ZNF385B: variants seen among roughly 807,000 people sequenced by gnomAD.
ZNF385B encodes the protein zinc finger protein 385B, also known as zinc finger protein 533.
Under a neutral mutation model 39.2 loss-of-function variants are expected in ZNF385B, and 23 were observed. That is an observed-to-expected ratio of 0.59 (90% CI 0.42 to 0.83). ZNF385B has a LOEUF of 0.83. Among genes scored for constraint, ZNF385B ranks in the 40% least tolerant of loss-of-function variants. ZNF385B has a pLI of 0.00. For synonymous variants in ZNF385B, 205 were observed against 222.6 expected (o/e 0.92, Z 0.70); for missense variants, 552 against 598.9 (o/e 0.92, Z 0.82).
At chr2:179,716,228 A>C (rs1254375128) in intron 3 of ZNF385B, among the ~76,000 whole-genome samples, 2 of 152,206 alleles carry the variant, frequency 1.3e-5, no homozygotes, top group African/African-American at 4.8e-5. Context: ...GAAAAGGTTT[A>C]AGTAAGAGGA....
At chr2:179,717,344 T>C (rs1700392994) in intron 3 of ZNF385B, among the ~76,000 whole-genome samples, 1 of 152,202 alleles carries the variant, frequency 6.6e-6, no homozygotes, top group East Asian at 1.9e-4. Flanking sequence ...TGTAAATATT[T>C]TCCCCTGCTT....
At chr2:179,592,857 C>A (rs1196801793) in intron 3 of ZNF385B, among the ~76,000 whole-genome samples, 2 of 152,000 alleles carry the variant, frequency 1.3e-5, no homozygotes, top group Non-Finnish European at 2.9e-5. Flanking sequence ...TGAGAGCAGG[C>A]CCCAATGGAT....
chr2:179,608,067 C>A (rs1282867155), intron 3 of ZNF385B, among the ~76,000 whole-genome samples: 1 of 151,982 alleles, frequency 6.6e-6, no homozygotes, highest in Non-Finnish European at 1.5e-5. Flanking sequence ...GCGTGCACCA[C>A]CATGCCCAGC....
At chr2:179,475,251 A>AT (rs767500606) in intron 6 of ZNF385B, among the ~76,000 whole-genome samples, 4,756 of 136,936 alleles carry the variant, frequency 0.035, 118 homozygotes, top group African/African-American at 0.055. Flanking sequence ...TTATCGCACA[A>AT]TTTTTTTTTT....
chr2:179,709,760 A>G (rs148043705), intron 3 of ZNF385B, among the ~76,000 whole-genome samples: 2 of 152,314 alleles, frequency 1.3e-5, no homozygotes, highest in Admixed American at 6.5e-5. Flanking sequence ...ATAGGCACAG[A>G]TCACTTGGGG....
chr2:179,491,934 C>T (rs555664652), intron 5 of ZNF385B, among the ~76,000 whole-genome samples: 95 of 152,216 alleles, frequency 6.2e-4, no homozygotes, highest in African/African-American at 2.2e-3. Flanking sequence ...CTCCTGGTCT[C>T]GAGTGATCCT....
At chr2:179,524,549 C>G (rs34253251) in intron 4 of ZNF385B, among the ~76,000 whole-genome samples, 1 of 48,246 alleles carries the variant, frequency 2.1e-5, no homozygotes, top group Non-Finnish European at 3.3e-5. Flanking sequence ...GAGACTCCGT[C>G]TCAAAAAAAA....
intron 3 of ZNF385B, among the ~76,000 whole-genome samples, chr2:179,733,708 G>A (rs781272904): frequency 2.6e-5 from 4 of 151,562 alleles, no homozygotes; most frequent in Admixed American, 6.6e-5. Flanking sequence ...GCATGAACCC[G>A]GGAGGCGGAG....
intron 6 of ZNF385B, among the ~76,000 whole-genome samples, chr2:179,476,016 CAAAAAAAA>C (rs34327373): frequency 1.8e-5 from 1 of 57,014 alleles, no homozygotes; most frequent in Admixed American, 2.2e-4. Context: ...GCCTCTGTCT[CAAAAAAAA>C]AAAAAAAAAA....
intron 3 of ZNF385B, among the ~76,000 whole-genome samples, chr2:179,591,865 A>C (rs1407782519): frequency 6.6e-6 from 1 of 152,154 alleles, no homozygotes; most frequent in East Asian, 1.9e-4. Flanking sequence ...CCATTCTGTA[A>C]GATCACTTGG....
chr2:179,596,571 A>G lies in ZNF385B; in HGVS notation c.299-51602T>C, dbSNP rs78528224. Among the ~76,000 whole-genome samples the G allele has an allele frequency of 3.0e-3, 457 of 152,260 alleles. 1 individual carries two copies. The highest frequency in any genetic ancestry group is 9.5e-3 in the African/African-American group (394 of 41,538). On this transcript the variant is annotated intron_variant, in intron 3 of 9. Coordinates refer to ENST00000410066, the MANE Select transcript of ZNF385B (RefSeq NM_152520.6). Reference sequence around the variant, plus strand: ...GAGATGGCTGAGGGCAACATTCTTAAGGTTTACTGAAGCCCTCTAAGTTGG... The same window carrying G: ...GAGATGGCTGAGGGCAACATTCTTAGGGTTTACTGAAGCCCTCTAAGTTGG...
intron 6 of ZNF385B, among the ~76,000 whole-genome samples, chr2:179,480,618 CAT>C (rs1200392539): frequency 2.6e-5 from 4 of 152,098 alleles, no homozygotes; most frequent in Admixed American, 1.3e-4. Flanking sequence ...CCATAAAACT[CAT>C]GTGGGAATTC....
intron 1 of ZNF385B, among the ~76,000 whole-genome samples, chr2:179,776,132 T>G (rs1704300909): frequency 6.6e-6 from 1 of 152,210 alleles, no homozygotes; most frequent in Admixed American, 6.5e-5. Flanking sequence ...AAACCCAACT[T>G]TGGAGAAAGC....
intron 3 of ZNF385B, among the ~76,000 whole-genome samples, chr2:179,747,670 A>G (rs1171824017): frequency 6.6e-6 from 1 of 152,142 alleles, no homozygotes; most frequent in Non-Finnish European, 1.5e-5. Context: ...AAATTAAACC[A>G]GGATATTTGA....
chr2:179,800,646 T>C lies in ZNF385B; in HGVS notation c.-154-29974A>G, dbSNP rs549034967. Among the ~76,000 whole-genome samples, 5 of 152,260 alleles carry C rather than the reference T, an allele frequency of 3.3e-5. No homozygotes were observed. The East Asian group carries it at 7.7e-4, about 23-fold the overall frequency. On this transcript the variant is annotated intron_variant, in intron 1 of 9. Transcript: ENST00000410066. The stretch of plus-strand genomic sequence containing the variant: ...TACTTGTATATCTAAGCTACCAATC[T>C]AGTTATGAACACTCACTGGGGGAGG...
At chr2:179,798,106 T>C (rs1289353686) in intron 1 of ZNF385B, among the ~76,000 whole-genome samples, 2 of 152,120 alleles carry the variant, frequency 1.3e-5, no homozygotes, top group Non-Finnish European at 2.9e-5. Context: ...TACCAACTTA[T>C]GGATTCTAAC....
chr2:179,707,065 C>T (rs1192433368), intron 3 of ZNF385B, among the ~76,000 whole-genome samples: 1 of 152,158 alleles, frequency 6.6e-6, no homozygotes, highest in African/African-American at 2.4e-5. Flanking sequence ...GGTTCCTGTC[C>T]TAGCTGCACA....
intron 3 of ZNF385B, among the ~76,000 whole-genome samples, chr2:179,614,761 G>T (rs1313440776): frequency 6.6e-6 from 1 of 152,212 alleles, no homozygotes; most frequent in Non-Finnish European, 1.5e-5. Flanking sequence ...AAAGAGAAGT[G>T]TGAAGTATGC....
chr2:179,639,188 G>A (rs1244043330), intron 3 of ZNF385B, among the ~76,000 whole-genome samples: 4 of 137,580 alleles, frequency 2.9e-5, no homozygotes, highest in Non-Finnish European at 4.6e-5. Flanking sequence ...AGATGGTGCC[G>A]CTGTACTCCA....
Sources: allele counts gnomAD v4.1 joint callset (sites outside exome capture counted in the v4.1 genomes callset), GRCh38; gene constraint gnomAD v4.1.1; transcripts MANE v1.5; gene names NCBI Gene and HGNC (gene_info 2026-07-23, HGNC 2026-07-21).